Variants in AGBL3 observed in about 807,000 individuals in gnomAD.
The protein encoded by AGBL3 is AGBL carboxypeptidase 3, also known as cytosolic carboxypeptidase 3.
In AGBL3, 68 loss-of-function variants were observed where a neutral mutation model predicts 94.5. The ratio of observed to expected loss-of-function variants is 0.72; its 90% CI spans 0.59 to 0.88. The LOEUF is 0.88. AGBL3 is among the 40% of genes least tolerant of loss of function. The probability of loss-of-function intolerance (pLI) is 0.00; values close to 1 mark genes in which losing one functional copy is unlikely to be tolerated. For missense variants in AGBL3, 934 were observed against 1,103.8 expected (o/e 0.85, Z 2.18); for synonymous variants, 354 against 370.7 (o/e 0.95, Z 0.52).
intron 15 of AGBL3, among the ~76,000 whole-genome samples, chr7:135,111,817 C>G (rs1487380294): frequency 1.3e-5 from 2 of 152,028 alleles, no homozygotes; most frequent in East Asian, 3.9e-4. Context: ...TATTTCTGAG[C>G]ACTCTCATCT....
intron 9 of AGBL3, among the ~76,000 whole-genome samples, chr7:135,045,160 C>A (rs977354855): frequency 6.6e-6 from 1 of 152,014 alleles, no homozygotes; most frequent in Non-Finnish European, 1.5e-5. Flanking sequence ...CTCATAAAAT[C>A]TTTACATGAG....
chr7:135,135,159 C>T lies in AGBL3; in HGVS notation c.2661C>T (p.Ser887=). 6.4e-7 allele frequency: 1 copy of T among 1,551,042 alleles called. No homozygotes were observed. The highest frequency in any genetic ancestry group is 1.4e-5 in the African/African-American group (1 of 73,104). ...SLQAEETNQQ[S]SKHTALHLTK... is the part of the protein sequence containing the mutation. ...AAGCTGAAGAAACTAACCAGCAAAG[C>T]TCTAAGCATACAGCCCTCCATCTAA... The change falls in exon 17 of 17, where the codon AGC becomes AGT. Residue 887 remains serine, a synonymous_variant. Transcript: ENST00000436302.
chr7:135,078,627 T>C lies in AGBL3; in HGVS notation c.1981-1576T>C, dbSNP rs912174670. On this transcript the variant is annotated intron_variant, in intron 13 of 16. Transcript: ENST00000436302. ...ATGTAAAATATTATAAATCCCTTTATATTAAATGCTCATGTATTTGCGTCT... is the reference window on the plus strand; with the variant it reads ...ATGTAAAATATTATAAATCCCTTTACATTAAATGCTCATGTATTTGCGTCT... 2.6e-5 allele frequency among the ~76,000 whole-genome samples: 4 copies of C among 152,228 alleles called. No individual in the cohort carries two copies. In the South Asian group the frequency reaches 8.3e-4, roughly 32 times the overall value.
intron 5 of AGBL3, among the ~76,000 whole-genome samples, chr7:135,024,567 T>C (rs1814880260): frequency 1.3e-5 from 2 of 152,054 alleles, no homozygotes; most frequent in African/African-American, 4.8e-5. Flanking sequence ...GCACAAGAAC[T>C]CAGATAATTC....
chr7:135,011,210 T>C (rs965347358), intron 4 of AGBL3: 2 of 152,174 alleles, frequency 1.3e-5, no homozygotes, highest in East Asian at 1.9e-4. Flanking sequence ...ACTGGAATAA[T>C]TGGATTTCCA....
intron 15 of AGBL3, among the ~76,000 whole-genome samples, chr7:135,114,427 G>A (rs189384273): frequency 1.3e-5 from 2 of 152,228 alleles, no homozygotes; most frequent in Admixed American, 1.3e-4. Flanking sequence ...TTTTTAAAAT[G>A]TTATTATATT....
intron 8 of AGBL3, 121 bp downstream of exon 8, chr7:135,037,701 T>G (rs1816450787): frequency 1.3e-6 from 1 of 741,646 alleles, no homozygotes; most frequent in Admixed American, 3.9e-5. Context: ...TTTGACCAGT[T>G]TATACAATTG....
At chr7:134,990,851 G>A (rs1044406484) in intron 3 of AGBL3, among the ~76,000 whole-genome samples, 3 of 152,122 alleles carry the variant, frequency 2.0e-5, no homozygotes, top group Non-Finnish European at 4.4e-5. Context: ...GTTAACATTT[G>A]TTGATTGCCT....
At chr7:135,091,510 T>C (rs1326268367) in intron 15 of AGBL3, among the ~76,000 whole-genome samples, 1 of 152,220 alleles carries the variant, frequency 6.6e-6, no homozygotes, top group Non-Finnish European at 1.5e-5. Context: ...ACCTGTGTTG[T>C]TCACAGGTCA....
At chr7:135,057,311 A>G (rs568574628) in intron 11 of AGBL3, among the ~76,000 whole-genome samples, 1 of 152,312 alleles carries the variant, frequency 6.6e-6, no homozygotes, top group Non-Finnish European at 1.5e-5. Flanking sequence ...AGGGGATAAC[A>G]TAGGAGGAAA....
chr7:135,008,648 T>C (rs755398304), intron 4 of AGBL3, among the ~76,000 whole-genome samples: 10 of 151,954 alleles, frequency 6.6e-5, no homozygotes, highest in Non-Finnish European at 1.5e-4. Flanking sequence ...AATTGAACTT[T>C]ATCAAAATTG....
chr7:135,112,948 TG>T (rs1825848271), intron 15 of AGBL3, among the ~76,000 whole-genome samples: 1 of 152,332 alleles, frequency 6.6e-6, no homozygotes, highest in African/African-American at 2.4e-5. Context: ...ACTTAATTTT[TG>T]TATTTTTAGT....
rs547702310 is a variant in AGBL3 at position 135,055,430 on chromosome 7, A to T, written c.1842-3739A>T. 2.0e-5 allele frequency among the ~76,000 whole-genome samples: 3 copies of T among 152,320 alleles called. No homozygotes were observed. In the South Asian group the frequency reaches 6.2e-4, roughly 32 times the overall value. The stretch of plus-strand genomic sequence containing the variant: ...AAGGTTTCTGTAGATATCAAGTTGA[A>T]CAAGATTCCCTCTACTTCGTTAGCT... On this transcript the variant is annotated intron_variant, in intron 11 of 16. Transcript: ENST00000436302.
In AGBL3 at chr7:135,110,541, G is replaced by A. The variant is rs563587537; in HGVS notation, c.2111-4839G>A. 5.9e-5 allele frequency among the ~76,000 whole-genome samples: 9 copies of A among 152,258 alleles called. No individual in the cohort carries two copies. The South Asian group carries it at 1.0e-3, about 18-fold the overall frequency. ...AGCTGCAAAGATCTGTGGGAGAAGC[G>A]TGGGTCCCCATCATCACTCACTGAC... On this transcript the variant is annotated intron_variant, in intron 15 of 16. Transcript: ENST00000436302.
Position 135,135,267 on chromosome 7 carries a change from C to A in AGBL3, c.*6C>A. 6.7e-7 allele frequency: 1 copy of A among 1,496,880 alleles called. No individual in the cohort carries two copies. The highest frequency in any genetic ancestry group is 8.9e-7 in the Non-Finnish European group (1 of 1,122,444). 92.7% of individuals were successfully genotyped at this position (1,496,880 alleles called of 1,614,324 possible). On this transcript the variant is annotated 3_prime_UTR_variant, in exon 17 of 17. Coordinates refer to ENST00000436302, the MANE Select transcript of AGBL3 (RefSeq NM_178563.4). ...AGTTCCAAAGGGAGAGTTAATCTAG[C>A]TTTATACTGCTCTGAGAACTGTGAA...
intron 4 of AGBL3, among the ~76,000 whole-genome samples, chr7:134,995,959 C>T (rs1810961357): frequency 6.6e-6 from 1 of 152,186 alleles, no homozygotes; most frequent in Admixed American, 6.5e-5. Context: ...ATGGCTTTTT[C>T]CACCTTTGCT....
At chr7:135,012,019 C>G (rs116022362) in intron 4 of AGBL3, 13 of 152,084 alleles carry the variant, frequency 8.5e-5, no homozygotes, top group Non-Finnish European at 1.6e-4. Flanking sequence ...GCCCAAATGT[C>G]CATTATAAAT....
At chr7:135,057,609 A>G (rs1395282211) in intron 11 of AGBL3, among the ~76,000 whole-genome samples, 1 of 152,202 alleles carries the variant, frequency 6.6e-6, no homozygotes, top group Non-Finnish European at 1.5e-5. Context: ...TGGTACAGCT[A>G]TTTTGGAAGC....
chr7:135,013,009 T>C (rs6974114), intron 4 of AGBL3, among the ~76,000 whole-genome samples: 141,120 of 152,184 alleles, frequency 0.93, 66,282 homozygotes, highest in Non-Finnish European at 1. Flanking sequence ...AGCCACAGTC[T>C]ATAAAAAATA....
Sources: allele counts gnomAD v4.1 joint callset (sites outside exome capture counted in the v4.1 genomes callset), GRCh38; gene constraint gnomAD v4.1.1; transcripts MANE v1.5; gene names NCBI Gene and HGNC (gene_info 2026-07-23, HGNC 2026-07-21).